Variants in PTPRD observed in about 807,000 individuals in gnomAD.
PTPRD encodes the protein receptor-type tyrosine-protein phosphatase delta.
Under a neutral mutation model 214.5 loss-of-function variants are expected in PTPRD, and 34 were observed. The observed-to-expected ratio is 0.16, with a 90% CI of 0.12 to 0.21. The LOEUF is 0.21. Ranked by LOEUF, PTPRD falls within the 10% of genes least tolerant of loss-of-function variation. PTPRD has a pLI of 1.00. For synonymous variants in PTPRD, 1,128 were observed against 845.7 expected, an observed-to-expected ratio of 1.33 and a Z score of -5.79; for missense variants, 2,545 against 2,398.7, an observed-to-expected ratio of 1.06 and a Z score of -1.27.
intron 2 of PTPRD, among the ~76,000 whole-genome samples, chr9:10,372,485 G>C (rs892704369): frequency 3.3e-5 from 5 of 152,052 alleles, no homozygotes; most frequent in African/African-American, 1.2e-4. Flanking sequence ...GTAAAAGAGT[G>C]CCGCCTTGTT....
intron 12 of PTPRD, among the ~76,000 whole-genome samples, chr9:8,675,474 T>C (rs1223178078): frequency 1.4e-5 from 2 of 146,600 alleles, no homozygotes; most frequent in Non-Finnish European, 3.0e-5. Flanking sequence ...TATTTCTTTA[T>C]GTCATACCCC....
chr9:8,503,637 C>G (rs976308343), intron 23 of PTPRD, among the ~76,000 whole-genome samples: 1 of 152,102 alleles, frequency 6.6e-6, no homozygotes, highest in Non-Finnish European at 1.5e-5. Flanking sequence ...AAATTGAACC[C>G]CAGGAAACAA....
chr9:9,635,619 C>T (rs1032445677), intron 7 of PTPRD, among the ~76,000 whole-genome samples: 3 of 152,152 alleles, frequency 2.0e-5, no homozygotes, highest in Admixed American at 2.0e-4. Flanking sequence ...CTCCTGTAAC[C>T]TGTCAGCCTT....
intron 10 of PTPRD, among the ~76,000 whole-genome samples, chr9:9,097,627 G>A (rs892523181): frequency 6.6e-6 from 1 of 151,856 alleles, no homozygotes; most frequent in Admixed American, 6.6e-5. Flanking sequence ...AGCCAGGATG[G>A]TCTCAATCTC....
At chr9:9,212,760 T>C (rs1035891628) in intron 9 of PTPRD, among the ~76,000 whole-genome samples, 3 of 152,154 alleles carry the variant, frequency 2.0e-5, no homozygotes, top group Non-Finnish European at 2.9e-5. Context: ...CGATTCCTAC[T>C]GAGAGAACAG....
chr9:9,820,916 T>C (rs1445627171), intron 5 of PTPRD, among the ~76,000 whole-genome samples: 1 of 152,200 alleles, frequency 6.6e-6, no homozygotes, highest in African/African-American at 2.4e-5. Flanking sequence ...CTGGGTAATG[T>C]AATGCCTCTG....
intron 11 of PTPRD, among the ~76,000 whole-genome samples, chr9:8,784,820 G>A (rs767268347): frequency 3.3e-5 from 5 of 152,080 alleles, no homozygotes; most frequent in African/African-American, 7.2e-5. Flanking sequence ...AGAAACACGC[G>A]TTTTTCTCTA....
chr9:10,223,672 A>ATAATAG (rs1238235579), intron 3 of PTPRD, among the ~76,000 whole-genome samples: 3 of 76,238 alleles, frequency 3.9e-5, no homozygotes, highest in African/African-American at 2.1e-4. Context: ...TCTGTCTCAA[A>ATAATAG]TAATAATAAT....
chr9:9,916,626 A>G (rs1463394560), intron 5 of PTPRD, among the ~76,000 whole-genome samples: 1 of 152,004 alleles, frequency 6.6e-6, no homozygotes, highest in Non-Finnish European at 1.5e-5. Context: ...TTATAAAAAA[A>G]GATGTTCTGT....
At chr9:10,416,768 G>T (rs971310477) in intron 2 of PTPRD, among the ~76,000 whole-genome samples, 1 of 151,746 alleles carries the variant, frequency 6.6e-6, no homozygotes, top group African/African-American at 2.4e-5. Flanking sequence ...TTATAAGTTT[G>T]GGGGACTGGC....
chr9:8,897,110 A>T (rs986999718), intron 11 of PTPRD, among the ~76,000 whole-genome samples: 4 of 152,174 alleles, frequency 2.6e-5, no homozygotes, highest in Non-Finnish European at 5.9e-5. Flanking sequence ...AACTCTTACA[A>T]TATAGCCATA....
intron 9 of PTPRD, among the ~76,000 whole-genome samples, chr9:9,281,510 G>C (rs1348626079): frequency 6.6e-6 from 1 of 151,274 alleles, no homozygotes; most frequent in East Asian, 2.0e-4. Context: ...TAACATCATA[G>C]GTCCTTAGGA....
chr9:8,848,313 C>CTTTTTTTTTTTTTTTTTTTT (rs371491854), intron 11 of PTPRD, among the ~76,000 whole-genome samples: 3 of 132,668 alleles, frequency 2.3e-5, no homozygotes, highest in Non-Finnish European at 3.2e-5. Flanking sequence ...AAGATTTTTC[C>CTTTTTTTTTTTTTTTTTTTT]TTTTTTTTTT....
chr9:9,789,873 G>A (rs2098955267), intron 5 of PTPRD, among the ~76,000 whole-genome samples: 1 of 150,204 alleles, frequency 6.7e-6, no homozygotes. Flanking sequence ...CAAACTTAAG[G>A]TAAACATTGT....
chr9:10,103,313 C>T (rs2098582532), intron 3 of PTPRD, among the ~76,000 whole-genome samples: 1 of 145,872 alleles, frequency 6.9e-6, no homozygotes, highest in South Asian at 2.1e-4. Flanking sequence ...CTTCCTAAAA[C>T]CAGGAGGTAA....
At chr9:10,108,962 T>G (rs2098664031) in intron 3 of PTPRD, among the ~76,000 whole-genome samples, 1 of 152,044 alleles carries the variant, frequency 6.6e-6, no homozygotes, top group Non-Finnish European at 1.5e-5. Context: ...ATTCCCTCGC[T>G]TGAAAACCTC....
chr9:8,329,561 C>T (rs145810419), intron 44 of PTPRD, among the ~76,000 whole-genome samples: 272 of 152,246 alleles, frequency 1.8e-3, no homozygotes, highest in African/African-American at 5.7e-3. Flanking sequence ...AGAAATGCTG[C>T]GCTCATCAGA....
At chr9:8,332,866 C>T (rs1842842241) in intron 43 of PTPRD, among the ~76,000 whole-genome samples, 1 of 152,122 alleles carries the variant, frequency 6.6e-6, no homozygotes, top group Admixed American at 6.5e-5. Flanking sequence ...CATTAAAGAG[C>T]CTTCAACTTG....
At chr9:8,390,429 A>G (rs1338267645) in intron 36 of PTPRD, among the ~76,000 whole-genome samples, 1 of 152,042 alleles carries the variant, frequency 6.6e-6, no homozygotes, top group Non-Finnish European at 1.5e-5. Context: ...TCCCATCATA[A>G]AACACCCAGC....
Sources: gnomAD v4.1 joint callset for allele counts (sites outside exome capture counted in the v4.1 genomes callset) on GRCh38, gnomAD v4.1.1 for gene constraint, MANE v1.5 for transcripts, NCBI Gene and HGNC (gene_info 2026-07-23, HGNC 2026-07-21) for gene names.